The following ZNF385D variants were observed in gnomAD, a reference collection of about 807,000 sequenced individuals.
ZNF385D encodes zinc finger protein 659.
A neutral mutation model predicts 35.8 loss-of-function variants in ZNF385D; 15 were observed. The ratio of observed to expected loss-of-function variants is 0.42; its 90% CI spans 0.28 to 0.64. ZNF385D has a LOEUF of 0.64. ZNF385D is among the 30% of genes least tolerant of loss of function. The pLI is 0.23. For synonymous variants in ZNF385D, 212 were observed against 186.8 expected (o/e 1.13, Z -1.10); for missense variants, 474 against 494.6 (o/e 0.96, Z 0.39).
At chr3:22,080,310 A>C (rs1700682522) in intron 3 of ZNF385D, among the ~76,000 whole-genome samples, 1 of 152,162 alleles carries the variant, frequency 6.6e-6, no homozygotes, top group Non-Finnish European at 1.5e-5. Flanking sequence ...ACTTTAATGC[A>C]TAAATGACAG....
chr3:22,145,875 C>G (rs942934774), intron 3 of ZNF385D, among the ~76,000 whole-genome samples: 6 of 152,064 alleles, frequency 3.9e-5, no homozygotes, highest in Non-Finnish European at 8.8e-5. Flanking sequence ...TGAGGGTTCC[C>G]AAACCTCCAA....
chr3:21,789,024 A>G (rs1381369094), intron 3 of ZNF385D, among the ~76,000 whole-genome samples: 1 of 152,226 alleles, frequency 6.6e-6, no homozygotes, highest in Non-Finnish European at 1.5e-5. Context: ...GTTGTGGAAA[A>G]AAGTATCTTC....
rs538264641 is a variant in ZNF385D, at chr3:22,128,401, CCTT to C, written c.325+40413_325+40415del. On this transcript the variant is annotated intron_variant, in intron 3 of 5. Coordinates refer to the ZNF385D transcript ENST00000494108. ...GTTAAATCTTCTTGGTGTTTTATAA[CCTT>C]CTTGTAGCTGAATATTTAATATCTT... Among the ~76,000 whole-genome samples the C allele has an allele frequency of 7.9e-5, 12 of 152,140 alleles. No individual in the cohort carries two copies. The East Asian group carries it at 1.4e-3, about 17-fold the overall frequency.
chr3:21,605,964 A>G (rs1271627333), intron 2 of ZNF385D, among the ~76,000 whole-genome samples: 1 of 151,564 alleles, frequency 6.6e-6, no homozygotes, highest in African/African-American at 2.4e-5. Context: ...AAACGTGCAG[A>G]CTGTGCTGGT....
At position 21,412,334 on chromosome 3, in the gene ZNF385D, G is replaced by A. The variant is rs964066242; in HGVS notation, c.*8880C>T. 4.6e-5 allele frequency: 7 copies of A among 151,940 alleles called. No homozygotes were observed. The highest frequency in any genetic ancestry group is 1.5e-4 in the African/African-American group (6 of 41,368). 9.4% of individuals were successfully genotyped at this position (151,940 alleles called of 1,614,324 possible). ...TTCTCACTTGGCACTTGGAACAGTC[G>A]TGTTATATAGGTTTACCATAACTCT... On this transcript the variant is annotated 3_prime_UTR_variant, in exon 8 of 8. Coordinates refer to ENST00000281523, the MANE Select transcript of ZNF385D (RefSeq NM_024697.3).
At chr3:22,066,059 G>T (rs903115102) in intron 3 of ZNF385D, among the ~76,000 whole-genome samples, 1 of 152,072 alleles carries the variant, frequency 6.6e-6, no homozygotes, top group Non-Finnish European at 1.5e-5. Flanking sequence ...AAGAGCTGTT[G>T]TATCTTCCAG....
chr3:21,835,841 T>C (rs1695295695), intron 3 of ZNF385D, among the ~76,000 whole-genome samples: 1 of 152,104 alleles, frequency 6.6e-6, no homozygotes. Flanking sequence ...TCTCTGTCAA[T>C]TTGGGATCCT....
chr3:21,818,558 T>C (rs1330217830), intron 3 of ZNF385D, among the ~76,000 whole-genome samples: 1 of 152,138 alleles, frequency 6.6e-6, no homozygotes. Context: ...TCCCAAAATA[T>C]TTCTAGATAA....
intron 2 of ZNF385D, among the ~76,000 whole-genome samples, chr3:21,615,226 G>A (rs2064810763): frequency 6.6e-6 from 1 of 151,930 alleles, no homozygotes; most frequent in African/African-American, 2.4e-5. Context: ...AAAGAGTCAG[G>A]GACCTCCATC....
chr3:21,848,129 G>A (rs1434412699), intron 3 of ZNF385D, among the ~76,000 whole-genome samples: 2 of 151,864 alleles, frequency 1.3e-5, no homozygotes, highest in Non-Finnish European at 2.9e-5. Context: ...ATTTCTCTTA[G>A]CATAATATCC....
chr3:22,349,562 CT>C (rs571350887), intron 2 of ZNF385D, among the ~76,000 whole-genome samples: 55 of 152,296 alleles, frequency 3.6e-4, no homozygotes, highest in Admixed American at 3.5e-3. Context: ...ATTGAACATA[CT>C]TTGTAAAACA....
At chr3:21,599,086 A>C (rs1344923283) in intron 2 of ZNF385D, among the ~76,000 whole-genome samples, 1 of 152,240 alleles carries the variant, frequency 6.6e-6, no homozygotes, top group Admixed American at 6.5e-5. Context: ...GGTATCACCT[A>C]TAAACTTTTC....
intron 3 of ZNF385D, among the ~76,000 whole-genome samples, chr3:21,884,816 T>C (rs1036056565): frequency 3.3e-5 from 5 of 152,078 alleles, no homozygotes; most frequent in African/African-American, 7.2e-5. Context: ...CGGTGGAAAT[T>C]GGCAAACATT....
intron 2 of ZNF385D, among the ~76,000 whole-genome samples, chr3:21,610,644 G>A (rs1045442033): frequency 1.3e-4 from 19 of 151,946 alleles, no homozygotes; most frequent in African/African-American, 3.6e-4. Context: ...GTATGGTGGC[G>A]GGCGCCTGTG....
chr3:22,012,029 G>T (rs183911609), intron 3 of ZNF385D, among the ~76,000 whole-genome samples: 91 of 152,238 alleles, frequency 6.0e-4, no homozygotes, highest in African/African-American at 2.1e-3. Flanking sequence ...ACATGTGCAT[G>T]ATATTATCAG....
intron 3 of ZNF385D, among the ~76,000 whole-genome samples, chr3:22,029,851 G>A (rs768819285): frequency 6.6e-6 from 1 of 151,896 alleles, no homozygotes; most frequent in African/African-American, 2.4e-5. Flanking sequence ...ATGGGTTCAA[G>A]TTGACAAGGG....
At chr3:21,808,999 G>GC (rs2072781960) in intron 3 of ZNF385D, among the ~76,000 whole-genome samples, 1 of 152,128 alleles carries the variant, frequency 6.6e-6, no homozygotes. Flanking sequence ...TTGCCCGCAT[G>GC]CTATAAGAAA....
intron 3 of ZNF385D, among the ~76,000 whole-genome samples, chr3:21,805,625 G>A (rs2072607174): frequency 6.6e-6 from 1 of 152,152 alleles, no homozygotes; most frequent in Non-Finnish European, 1.5e-5. Flanking sequence ...AAATAAAAAA[G>A]CAGAGCAGTC....
intron 2 of ZNF385D, among the ~76,000 whole-genome samples, chr3:22,212,489 C>G (rs183633133): frequency 7.2e-5 from 11 of 152,110 alleles, no homozygotes; most frequent in Non-Finnish European, 1.3e-4. Flanking sequence ...TTTGGAAGCA[C>G]GTTAGCAACG....
Sources: allele counts gnomAD v4.1 joint callset (sites outside exome capture counted in the v4.1 genomes callset), GRCh38; gene constraint gnomAD v4.1.1; transcripts MANE v1.5; gene names NCBI Gene and HGNC (gene_info 2026-07-23, HGNC 2026-07-21).